C11orf42: variants seen among roughly 807,000 people sequenced by gnomAD.
C11orf42 encodes the protein uncharacterized protein C11orf42.
In C11orf42, 24 loss-of-function variants were observed where a neutral mutation model predicts 27.9. The ratio of observed to expected loss-of-function variants is 0.86; its 90% CI spans 0.62 to 1.21. The LOEUF (loss-of-function observed/expected upper bound fraction) is 1.21, where lower values mean the gene tolerates loss of function less well. Ranked by LOEUF, C11orf42 falls within the 50% of genes most tolerant of loss-of-function variation. The pLI, the probability that C11orf42 is intolerant of heterozygous loss-of-function variation, is 0.00. For missense variants in C11orf42, 455 were observed against 424.1 expected (o/e 1.07, Z -0.64); for synonymous variants, 187 against 180.8 (o/e 1.03, Z -0.28).
Position 6,210,168 on chromosome 11 carries a change from C to G in C11orf42, c.391C>G (p.Arg131Gly). ...CKIRLHMGDL[R>G]KKVAFLLLPP... Reference sequence around the variant, plus strand: ...GATCCGCCTACATATGGGTGACCTGCGCAAGAAGGTTGCCTTCCTGTTGCT... The same window carrying G: ...GATCCGCCTACATATGGGTGACCTGGGCAAGAAGGTTGCCTTCCTGTTGCT... The change falls in exon 2 of 3, where the codon CGC becomes GGC. Residue 131 changes from arginine to glycine, a missense_variant. By Grantham distance (125) the Arg-to-Gly change is moderately radical. Transcript: ENST00000316375. The surrounding 1 kb of genome is among the most constrained non-coding windows in gnomAD (Gnocchi z 4.0). The G allele has an allele frequency of 6.2e-7, 1 of 1,614,198 alleles. No individual in the cohort carries two copies. The highest frequency in any genetic ancestry group is 1.1e-5 in the South Asian group (1 of 91,092).
intron 1 of C11orf42, among the ~76,000 whole-genome samples, chr11:6,208,676 C>T (rs979561953): frequency 1.3e-5 from 2 of 152,158 alleles, no homozygotes; most frequent in African/African-American, 4.8e-5. Flanking sequence ...ATCCACCTGT[C>T]TCGGCCTCCC....
In C11orf42 at chr11:6,210,267, C is replaced by T; in HGVS notation, c.490C>T (p.Gln164Ter). The T allele has an allele frequency of 6.2e-7, 1 of 1,614,250 alleles. No homozygotes were observed. Among genetic ancestry groups the T allele is most frequent in the Non-Finnish European group, 8.5e-7 (1 of 1,180,046 alleles). The change falls in exon 2 of 3, where the codon CAG (glutamine) becomes TAG (stop). Residue 164 changes from glutamine (Q) to a stop codon, truncating the protein, a stop_gained. Coordinates refer to ENST00000316375, the MANE Select transcript of C11orf42 (RefSeq NM_173525.3). LOFTEE classifies it high-confidence loss of function. This position sits in a 1 kb window ranked among gnomAD's most constrained non-coding sequence, Gnocchi z 4.0. ...CACCCACAGCATCTATGTCATCTAC[C>T]AGGTCTTCTCTTGTTCCTGGCTGCA... ...RSTHSIYVIYQVFSCSWLQLG... is the reference protein window; with the variant it reads ...RSTHSIYVIY
intron 1 of C11orf42, among the ~76,000 whole-genome samples, chr11:6,206,497 C>A (rs1253312156): frequency 6.6e-6 from 1 of 151,708 alleles, no homozygotes; most frequent in African/African-American, 2.4e-5. Context: ...GAATCAGATT[C>A]TATGTGATTT....
rs368482602 is a variant in C11orf42 at position 6,210,861 on chromosome 11, G to A, written c.872-51G>A. On this transcript the variant is annotated intron_variant, in intron 2 of 2. Transcript: ENST00000316375. This position sits in a 1 kb window ranked among gnomAD's most constrained non-coding sequence, Gnocchi z 4.0. ...AGAGGACCAGAGGGAAAAGCTAGGGGGGGAAAAGACCAGCCATGAGTCAAG... is the reference window on the plus strand; with the variant it reads ...AGAGGACCAGAGGGAAAAGCTAGGGAGGGAAAAGACCAGCCATGAGTCAAG... The A allele has an allele frequency of 1.4e-5, 21 of 1,531,440 alleles. No homozygotes were observed. In the Admixed American group the frequency reaches 2.7e-4, roughly 20 times the overall value. 94.9% of individuals were successfully genotyped at this position (1,531,440 alleles called of 1,614,324 possible).
chr11:6,210,512 A>C lies in C11orf42; in HGVS notation c.735A>C (p.Thr245=). The C allele has an allele frequency of 1.2e-6, 2 of 1,613,720 alleles. No homozygotes were observed. Among genetic ancestry groups the C allele is most frequent in the Non-Finnish European group, 1.7e-6 (2 of 1,179,836 alleles). The change falls in exon 2 of 3, where the codon ACA becomes ACC. Residue 245 remains threonine (T), a synonymous_variant. Transcript: ENST00000316375. This position sits in a 1 kb window ranked among gnomAD's most constrained non-coding sequence, Gnocchi z 4.0. Reference sequence around the variant, plus strand: ...CCCCCACATCAGCACCTGCTGATACAACTGAAGCTGCTGATGTGCCCCCAC... The same window carrying C: ...CCCCCACATCAGCACCTGCTGATACCACTGAAGCTGCTGATGTGCCCCCAC... ...PLAPTSAPAD[T]TEAADVPPPV... is the part of the protein sequence containing the mutation.
Position 6,210,333 on chromosome 11 carries a change from C to T in C11orf42, c.556C>T (p.Arg186Trp), listed in dbSNP as rs762925142. 79 of 1,614,174 alleles carry T rather than the reference C, an allele frequency of 4.9e-5. No individual in the cohort carries two copies. The highest frequency in any genetic ancestry group is 6.2e-5 in the Non-Finnish European group (73 of 1,180,014). ...TSTAREPQLL[R>W]LLRSLPVAFS... The stretch of plus-strand genomic sequence containing the variant: ...TACAGCCCGTGAGCCCCAGCTCCTC[C>T]GGCTACTTCGGTCATTACCTGTTGC... The change falls in exon 2 of 3, where the codon CGG (arginine) becomes TGG (tryptophan). Residue 186 changes from arginine (R) to tryptophan (W), a missense_variant. Physicochemically the swap from Arg to Trp is moderately radical, Grantham distance 101. Transcript: ENST00000316375. The surrounding 1 kb of genome is among the most constrained non-coding windows in gnomAD (Gnocchi z 4.0).
At position 6,205,814 on chromosome 11, in the gene C11orf42, A is replaced by G. The variant is rs142382646; in HGVS notation, c.72+127A>G. On this transcript the variant is annotated intron_variant, in intron 1 of 2. Coordinates refer to ENST00000316375, the MANE Select transcript of C11orf42 (RefSeq NM_173525.3). ...TAACCAACATTTACTCACTGCTTCC[A>G]TATGTGCCAGGCACTGCAGTAAAGT... 49 of 709,584 alleles carry G rather than the reference A, an allele frequency of 6.9e-5. No individual in the cohort carries two copies. The African/African-American group carries it at 7.5e-4, about 11-fold the overall frequency. 44.0% of individuals were successfully genotyped at this position (709,584 alleles called of 1,614,324 possible). A position where few individuals can be genotyped will look rare whatever the true frequency, so the allele number is the denominator to read the frequency against.
At chr11:6,206,501 GTGATT>G (rs952924292) in intron 1 of C11orf42, among the ~76,000 whole-genome samples, 1 of 151,948 alleles carries the variant, frequency 6.6e-6, no homozygotes, top group African/African-American at 2.4e-5. Context: ...CAGATTCTAT[GTGATT>G]TGAAGGAAGG....
intron 1 of C11orf42, among the ~76,000 whole-genome samples, chr11:6,208,387 CCTA>C (rs751911661): frequency 1.3e-5 from 2 of 152,130 alleles, no homozygotes; most frequent in Non-Finnish European, 2.9e-5. Context: ...TTCTGCGTAA[CCTA>C]CTATTGATTA....
chr11:6,208,829 T>C (rs754839667), intron 1 of C11orf42, among the ~76,000 whole-genome samples: 69 of 152,294 alleles, frequency 4.5e-4, no homozygotes, highest in Middle Eastern at 6.8e-3. Context: ...AGGACCTTAT[T>C]ATGCCTTGCC....
chr11:6,210,805 G>A lies in C11orf42; in HGVS notation c.872-107G>A, dbSNP rs1847049886. The stretch of plus-strand genomic sequence containing the variant: ...GACTGGGGAGGGTGAGATGGAATGA[G>A]GAGGCCCTAGGAAGGGGATTGGGAT... On this transcript the variant is annotated intron_variant, in intron 2 of 2. Coordinates refer to ENST00000316375, the MANE Select transcript of C11orf42 (RefSeq NM_173525.3). The surrounding 1 kb of genome is among the most constrained non-coding windows in gnomAD (Gnocchi z 4.0). The A allele has an allele frequency of 2.1e-6, 3 of 1,413,526 alleles. No individual in the cohort carries two copies. Among genetic ancestry groups the A allele is most frequent in the Non-Finnish European group, 1.9e-6 (2 of 1,053,578 alleles). The allele number at this position is 1,413,526 out of a possible 1,614,324, so 87.6% of individuals were successfully genotyped here. A position where few individuals can be genotyped will look rare whatever the true frequency, so the allele number is the denominator to read the frequency against.
At chr11:6,206,748 T>C (rs1846983239) in intron 1 of C11orf42, among the ~76,000 whole-genome samples, 2 of 152,144 alleles carry the variant, frequency 1.3e-5, no homozygotes, top group Non-Finnish European at 2.9e-5. Flanking sequence ...GGTCCTGGAC[T>C]AGATCAAGCA....
At position 6,205,584 on chromosome 11, in the gene C11orf42, A is replaced by G; in HGVS notation, c.-32A>G. On this transcript the variant is annotated 5_prime_UTR_variant, in exon 1 of 3. Coordinates refer to ENST00000316375, the MANE Select transcript of C11orf42 (RefSeq NM_173525.3). The stretch of plus-strand genomic sequence containing the variant: ...GCTGCCTGGGGTTCCTGCAGCAGCC[A>G]CTGCCCTGCCCAATCCCTCCCATAC... 6.3e-7 allele frequency: 1 copy of G among 1,589,748 alleles called. No individual in the cohort carries two copies. The highest frequency in any genetic ancestry group is 1.7e-4 in the Middle Eastern group (1 of 5,900).
rs775605954 is a variant in C11orf42 at position 6,210,972 on chromosome 11, AC to A, written c.936del (p.Asp313ThrfsTer43). 5.0e-6 allele frequency: 8 copies of A among 1,606,454 alleles called. No homozygotes were observed. The highest frequency in any genetic ancestry group is 5.9e-6 in the Non-Finnish European group (7 of 1,177,776). ...PPGAQGGGPR[D>X]PDGHSMSLPL... Reference sequence around the variant, plus strand: ...GGAGCCCAGGGTGGGGGCCCCAGGGACCCCGACGGGCACTCCATGTCCCTGC... The same window carrying A: ...GGAGCCCAGGGTGGGGGCCCCAGGGACCCGACGGGCACTCCATGTCCCTGC... On this transcript the variant is annotated frameshift_variant, in exon 3 of 3. Coordinates refer to ENST00000316375, the MANE Select transcript of C11orf42 (RefSeq NM_173525.3). LOFTEE classifies it high-confidence loss of function. This position sits in a 1 kb window ranked among gnomAD's most constrained non-coding sequence, Gnocchi z 4.0.
At chr11:6,209,297 A>T (rs980871245) in intron 1 of C11orf42, among the ~76,000 whole-genome samples, 1 of 152,096 alleles carries the variant, frequency 6.6e-6, no homozygotes, top group Non-Finnish European at 1.5e-5. Context: ...CATACACACA[A>T]GCCTTTCATA....
chr11:6,209,962 G>T lies in C11orf42; in HGVS notation c.185G>T (p.Arg62Leu). ...AAACAGTCCCGCCCAGCCCATACCCGCCTGGCTTTGCCAGGTCGGCAGGGC... is the reference window on the plus strand; with the variant it reads ...AAACAGTCCCGCCCAGCCCATACCCTCCTGGCTTTGCCAGGTCGGCAGGGC... ...LVKQSRPAHT[R>L]LALPGRQGRR... The change falls in exon 2 of 3, where the codon CGC (arginine) becomes CTC (leucine). Residue 62 changes from arginine to leucine, a missense_variant. By Grantham distance (102) the Arg-to-Leu change is moderately radical. Coordinates refer to ENST00000316375, the MANE Select transcript of C11orf42 (RefSeq NM_173525.3). 1.2e-6 allele frequency: 2 copies of T among 1,613,306 alleles called. No homozygotes were observed. The highest frequency in any genetic ancestry group is 1.7e-6 in the Non-Finnish European group (2 of 1,179,278).
chr11:6,210,011 G>T lies in C11orf42; in HGVS notation c.234G>T (p.Gly78=). ...RQGRRALKPV[G]PLPSLLEQAG... ...GCCGGAGGGCACTGAAACCAGTGGG[G>T]CCACTACCAAGCCTCCTGGAGCAGG... The change falls in exon 2 of 3, where the codon GGG becomes GGT. Residue 78 remains glycine, a synonymous_variant. Coordinates refer to ENST00000316375, the MANE Select transcript of C11orf42 (RefSeq NM_173525.3). The surrounding 1 kb of genome is among the most constrained non-coding windows in gnomAD (Gnocchi z 4.0). 6.2e-7 allele frequency: 1 copy of T among 1,614,170 alleles called. No individual in the cohort carries two copies. The highest frequency in any genetic ancestry group is 8.5e-7 in the Non-Finnish European group (1 of 1,180,002).
intron 1 of C11orf42, among the ~76,000 whole-genome samples, chr11:6,207,222 G>A (rs536099653): frequency 5.9e-5 from 9 of 152,194 alleles, no homozygotes; most frequent in East Asian, 3.9e-4. Flanking sequence ...ACAAAGAACC[G>A]AGCTCCTTAT....
At position 6,210,896 on chromosome 11, in the gene C11orf42, T is replaced by TC; in HGVS notation, c.872-12dup. ...CCAGCCATGAGTCAAGCTGTGACTA[T>TC]CCCCAACCCTGGCAGAGAACTGGCT... On this transcript the variant is annotated splice_polypyrimidine_tract_variant and intron_variant, in intron 2 of 2. Coordinates refer to ENST00000316375, the MANE Select transcript of C11orf42 (RefSeq NM_173525.3). The surrounding 1 kb of genome is among the most constrained non-coding windows in gnomAD (Gnocchi z 4.0). 1 of 1,593,722 alleles carries TC rather than the reference T, an allele frequency of 6.3e-7. No individual in the cohort carries two copies.
Sources: allele counts gnomAD v4.1 joint callset (sites outside exome capture counted in the v4.1 genomes callset), GRCh38; gene constraint gnomAD v4.1.1; non-coding constraint Gnocchi (gnomAD v3.1); transcripts MANE v1.5; gene names NCBI Gene and HGNC (gene_info 2026-07-23, HGNC 2026-07-21).